The following SNAP91 variants were observed in gnomAD, a reference collection of about 807,000 sequenced individuals.
SNAP91 encodes clathrin coat assembly protein AP180.
A neutral mutation model predicts 100.3 loss-of-function variants in SNAP91; 27 were observed. That is an observed-to-expected ratio of 0.27 (90% confidence interval 0.20 to 0.37). The LOEUF is 0.37. Among genes scored for constraint, SNAP91 ranks in the 10% least tolerant of loss-of-function variants. The pLI is 1.00. For synonymous variants in SNAP91, 404 were observed against 398.6 expected (o/e 1.01, Z -0.16); for missense variants, 986 against 1,123.7 (o/e 0.88, Z 1.75).
chr6:83,622,886 A>G (rs1048879765), intron 9 of SNAP91, among the ~76,000 whole-genome samples: 3 of 152,074 alleles, frequency 2.0e-5, no homozygotes, highest in Admixed American at 6.5e-5. Flanking sequence ...TTCCCTATTC[A>G]TGGGTCTCCT....
intron 2 of SNAP91, among the ~76,000 whole-genome samples, chr6:83,668,536 T>C (rs2098728096): frequency 6.6e-6 from 1 of 152,068 alleles, no homozygotes. Context: ...TGTAGGGACA[T>C]GGATGAAGCT....
chr6:83,673,713 C>G (rs2098820809), intron 2 of SNAP91, among the ~76,000 whole-genome samples: 1 of 152,184 alleles, frequency 6.6e-6, no homozygotes, highest in African/African-American at 2.4e-5. Context: ...AACATTGCCT[C>G]ACCAACAGCT....
chr6:83,636,684 A>T (rs556614916), intron 8 of SNAP91, among the ~76,000 whole-genome samples: 26 of 152,326 alleles, frequency 1.7e-4, no homozygotes, highest in African/African-American at 5.8e-4. Context: ...TGTGGTTAGG[A>T]TTCATTGCTA....
At chr6:83,586,368 C>T (rs2092630857) in intron 22 of SNAP91, among the ~76,000 whole-genome samples, 1 of 152,194 alleles carries the variant, frequency 6.6e-6, no homozygotes, top group Non-Finnish European at 1.5e-5. Flanking sequence ...GCCTCATAGG[C>T]TGGACCATAT....
intron 16 of SNAP91, among the ~76,000 whole-genome samples, chr6:83,595,243 GTTATT>G (rs1358820668): frequency 6.6e-6 from 1 of 151,878 alleles, no homozygotes; most frequent in Non-Finnish European, 1.5e-5. Flanking sequence ...TAACCAATAA[GTTATT>G]TTAAAGACAT....
intron 2 of SNAP91, among the ~76,000 whole-genome samples, chr6:83,686,563 C>A (rs989309475): frequency 1.3e-5 from 2 of 151,856 alleles, no homozygotes; most frequent in African/African-American, 4.8e-5. Context: ...CCAATTTGGG[C>A]CCAGGCCACT....
chr6:83,597,553 G>A (rs1445684885), intron 16 of SNAP91, among the ~76,000 whole-genome samples: 4 of 152,162 alleles, frequency 2.6e-5, no homozygotes, highest in South Asian at 2.1e-4. Context: ...CTTCAATTAT[G>A]GACTCAGTCT....
At chr6:83,608,440 A>G (rs2095786104) in intron 12 of SNAP91, among the ~76,000 whole-genome samples, 1 of 152,226 alleles carries the variant, frequency 6.6e-6, no homozygotes, top group African/African-American at 2.4e-5. Flanking sequence ...CAATTAATAT[A>G]TTACAAGATT....
At chr6:83,703,952 T>C (rs546270941) in intron 2 of SNAP91, among the ~76,000 whole-genome samples, 12 of 152,344 alleles carry the variant, frequency 7.9e-5, no homozygotes, top group Admixed American at 4.6e-4. Flanking sequence ...ATGAATCACA[T>C]GGCAGGGCTG....
chr6:83,691,649 C>T (rs145724414), intron 2 of SNAP91, among the ~76,000 whole-genome samples: 2 of 152,270 alleles, frequency 1.3e-5, no homozygotes, highest in East Asian at 3.9e-4. Flanking sequence ...GTATACGATG[C>T]TGACCACGAA....
At chr6:83,565,739 G>A (rs1440662333) in intron 26 of SNAP91, among the ~76,000 whole-genome samples, 1 of 152,116 alleles carries the variant, frequency 6.6e-6, no homozygotes, top group Non-Finnish European at 1.5e-5. Context: ...TTAGGGAAAT[G>A]CATATCAATG....
chr6:83,674,766 C>A (rs1390313749), intron 2 of SNAP91, among the ~76,000 whole-genome samples: 9 of 152,096 alleles, frequency 5.9e-5, no homozygotes, highest in Non-Finnish European at 1.3e-4. Flanking sequence ...AAGGGGCTAT[C>A]TTTTTCCCAT....
chr6:83,682,126 C>A (rs747157743), intron 2 of SNAP91, among the ~76,000 whole-genome samples: 5 of 151,678 alleles, frequency 3.3e-5, no homozygotes, highest in Non-Finnish European at 7.4e-5. Flanking sequence ...GGCTCTCATT[C>A]CTGCAGCAGG....
intron 2 of SNAP91, among the ~76,000 whole-genome samples, chr6:83,673,759 C>G (rs549601381): frequency 6.6e-6 from 1 of 152,174 alleles, no homozygotes; most frequent in Admixed American, 6.6e-5. Flanking sequence ...GAATCCTGCC[C>G]CCATCCCTTC....
chr6:83,674,355 A>G (rs1342768702), intron 2 of SNAP91, among the ~76,000 whole-genome samples: 1 of 152,006 alleles, frequency 6.6e-6, no homozygotes, highest in East Asian at 1.9e-4. Context: ...AATTGCTTGA[A>G]CCAGGGAGGC....
At chr6:83,662,044 T>TTTAA (rs2128744584) in intron 4 of SNAP91, among the ~76,000 whole-genome samples, 1 of 152,258 alleles carries the variant, frequency 6.6e-6, no homozygotes, top group East Asian at 1.9e-4. Context: ...AATCACTTTT[T>TTTAA]TTAATTGAGA....
Position 83,660,750 on chromosome 6 carries a change from A to C in SNAP91, c.452+752T>G, listed in dbSNP as rs537675603. On this transcript the variant is annotated intron_variant, in intron 5 of 29. Coordinates refer to ENST00000369694, the MANE Select transcript of SNAP91 (RefSeq NM_001242792.2). Reference sequence around the variant, plus strand: ...CAGATTCACCTCAATTAAAAAAAAAATATTTATATAGCTATTGGCTATTTT... The same window carrying C: ...CAGATTCACCTCAATTAAAAAAAAACTATTTATATAGCTATTGGCTATTTT... 4.6e-5 allele frequency among the ~76,000 whole-genome samples: 7 copies of C among 151,930 alleles called. No homozygotes were observed. The South Asian group carries it at 1.2e-3, about 27-fold the overall frequency.
At chr6:83,557,673 C>G (rs1780810838) in intron 28 of SNAP91, among the ~76,000 whole-genome samples, 1 of 151,810 alleles carries the variant, frequency 6.6e-6, no homozygotes, top group Non-Finnish European at 1.5e-5. Context: ...GAACCTATCT[C>G]AAATAAACAA....
At chr6:83,685,468 G>C (rs539847484) in intron 2 of SNAP91, among the ~76,000 whole-genome samples, 1 of 152,174 alleles carries the variant, frequency 6.6e-6, no homozygotes, top group South Asian at 2.1e-4. Context: ...GAAAACATAA[G>C]AATAATCACT....
Sources: gnomAD v4.1 joint callset for allele counts (sites outside exome capture counted in the v4.1 genomes callset) on GRCh38, gnomAD v4.1.1 for gene constraint, MANE v1.5 for transcripts, NCBI Gene and HGNC (gene_info 2026-07-23, HGNC 2026-07-21) for gene names.